CTNNA2: variants seen among roughly 807,000 people sequenced by gnomAD.
CTNNA2 encodes the protein catenin alpha-2.
In CTNNA2, 42 loss-of-function variants were observed where a neutral mutation model predicts 101.0. The observed-to-expected ratio is 0.42, with a 90% confidence interval of 0.32 to 0.54. The LOEUF (loss-of-function observed/expected upper bound fraction) is 0.54, where lower values mean the gene tolerates loss of function less well. CTNNA2 is among the 20% of genes least tolerant of loss of function. CTNNA2 has a pLI of 0.14. For synonymous variants in CTNNA2, 450 were observed against 456.4 expected, an observed-to-expected ratio of 0.99 and a Z score of 0.18; for missense variants, 871 against 1,223.1, an observed-to-expected ratio of 0.71 and a Z score of 4.29.
chr2:79,489,404 T>C (rs903891765), intron 4 of CTNNA2, among the ~76,000 whole-genome samples: 2 of 152,132 alleles, frequency 1.3e-5, no homozygotes, highest in African/African-American at 4.8e-5. Context: ...CCATCCTTCC[T>C]CCCTGTGATT....
chr2:79,289,932 A>T (rs954184608), intron 2 of CTNNA2, among the ~76,000 whole-genome samples: 1 of 152,170 alleles, frequency 6.6e-6, no homozygotes, highest in African/African-American at 2.4e-5. Flanking sequence ...TGGCCCAGAT[A>T]ATCAGCCTCT....
At position 79,874,295 on chromosome 2, in the gene CTNNA2, G is replaced by A; in HGVS notation, c.805G>A (p.Gly269Ser). 1 of 1,614,050 alleles carries A rather than the reference G, an allele frequency of 6.2e-7. No individual in the cohort carries two copies. Among genetic ancestry groups the A allele is most frequent in the Non-Finnish European group, 8.5e-7 (1 of 1,180,020 alleles). The change falls in exon 6 of 19, where the codon GGC becomes AGC. Residue 269 changes from glycine to serine, a missense_variant. Gly to Ser is a moderately conservative substitution (Grantham distance 56, BLOSUM62 0). Around this residue, in one of 5 missense-constraint regions of CTNNA2, gnomAD observed 647 missense variants for 831.5 expected, o/e 0.78. Transcript: ENST00000402739. Reference sequence around the variant, plus strand: ...TACCTCGCCCACTGACGAAGCCAAGGGCCACACGGGCATCGGCGAGCTGGC... The same window carrying A: ...TACCTCGCCCACTGACGAAGCCAAGAGCCACACGGGCATCGGCGAGCTGGC... ...QATSPTDEAK[G>S]HTGIGELAAA...
At chr2:79,514,007 C>A (rs1412533735) in intron 1 of CTNNA2, among the ~76,000 whole-genome samples, 1 of 152,144 alleles carries the variant, frequency 6.6e-6, no homozygotes, top group Non-Finnish European at 1.5e-5. Context: ...TTTGGTTTGA[C>A]ATTTTCAAAC....
chr2:80,275,274 G>T (rs1388450477), intron 7 of CTNNA2, among the ~76,000 whole-genome samples: 1 of 152,150 alleles, frequency 6.6e-6, no homozygotes, highest in Non-Finnish European at 1.5e-5. Flanking sequence ...TCATCAACCT[G>T]CTTACTCTCA....
intron 1 of CTNNA2, among the ~76,000 whole-genome samples, chr2:79,189,173 G>T (rs886716945): frequency 1.3e-5 from 2 of 152,046 alleles, no homozygotes; most frequent in African/African-American, 4.8e-5. Context: ...ATTCACTTCC[G>T]TTTATAACAC....
At chr2:79,925,363 A>G (rs1228783063) in intron 7 of CTNNA2, among the ~76,000 whole-genome samples, 1 of 152,112 alleles carries the variant, frequency 6.6e-6, no homozygotes, top group Non-Finnish European at 1.5e-5. Context: ...GTGTATACTC[A>G]CCTGCCAGAA....
chr2:79,323,527 T>C (rs1573077140), intron 3 of CTNNA2, among the ~76,000 whole-genome samples: 2 of 147,070 alleles, frequency 1.4e-5, no homozygotes, highest in East Asian at 4.0e-4. Context: ...TATACTTTCT[T>C]CAAAAAAAAA....
At chr2:80,274,332 A>G (rs1673728005) in intron 7 of CTNNA2, among the ~76,000 whole-genome samples, 1 of 152,176 alleles carries the variant, frequency 6.6e-6, no homozygotes, top group Non-Finnish European at 1.5e-5. Flanking sequence ...TCATCTCGCT[A>G]TGAAAGTAAT....
Position 79,751,650 on chromosome 2 carries a change from C to G in CTNNA2, c.298+7068C>G, listed in dbSNP as rs79290562. ...AAGGAAATATGATAAGATGATAGAACAGATCCAGATAGGGAAAAGTATAGA... is the reference window on the plus strand; with the variant it reads ...AAGGAAATATGATAAGATGATAGAAGAGATCCAGATAGGGAAAAGTATAGA... On this transcript the variant is annotated intron_variant, in intron 3 of 18. Coordinates refer to ENST00000402739, the MANE Select transcript of CTNNA2 (RefSeq NM_001282597.3). Among the ~76,000 whole-genome samples the G allele has an allele frequency of 3.8e-3, 516 of 135,008 alleles. 5 individuals are homozygous for G. Among genetic ancestry groups the G allele is most frequent in the African/African-American group, 0.014 (502 of 36,764 alleles). The allele number at this position is 135,008 out of a possible 152,430, so 88.6% of individuals were successfully genotyped here.
intron 7 of CTNNA2, chr2:80,328,163 C>T (rs1670991680): frequency 2.4e-6 from 1 of 417,042 alleles, no homozygotes; most frequent in Non-Finnish European, 5.0e-6. Flanking sequence ...TCCTCGCTCA[C>T]CCACATTCTA....
At chr2:80,368,610 T>C (rs1675151046) in intron 7 of CTNNA2, among the ~76,000 whole-genome samples, 1 of 152,088 alleles carries the variant, frequency 6.6e-6, no homozygotes, top group African/African-American at 2.4e-5. Context: ...TGATCTATTT[T>C]GTGCACAGAT....
intron 7 of CTNNA2, among the ~76,000 whole-genome samples, chr2:79,928,800 T>C (rs564807925): frequency 2.6e-5 from 4 of 152,260 alleles, no homozygotes; most frequent in Non-Finnish European, 4.4e-5. Context: ...CTTCCTTTGA[T>C]AGATTTATCA....
rs895240745 is a variant in CTNNA2, at chr2:79,555,484, G to A, written c.-6+42277G>A. Reference sequence around the variant, plus strand: ...CTACGAATTTAGAAGAGGCAGTCATGGATCTCATTTAAGAAATTTCCTGTG... The same window carrying A: ...CTACGAATTTAGAAGAGGCAGTCATAGATCTCATTTAAGAAATTTCCTGTG... On this transcript the variant is annotated intron_variant, in intron 1 of 18. Coordinates refer to ENST00000402739, the MANE Select transcript of CTNNA2 (RefSeq NM_001282597.3). Among the ~76,000 whole-genome samples the A allele has an allele frequency of 4.6e-5, 7 of 152,100 alleles. No individual in the cohort carries two copies. The South Asian group carries it at 6.2e-4, about 14-fold the overall frequency.
intron 9 of CTNNA2, among the ~76,000 whole-genome samples, chr2:80,424,381 C>A (rs879910033): frequency 2.6e-5 from 4 of 152,168 alleles, no homozygotes; most frequent in Non-Finnish European, 4.4e-5. Flanking sequence ...TTATGGGACT[C>A]TATGAGGCTT....
intron 7 of CTNNA2, among the ~76,000 whole-genome samples, chr2:79,977,344 G>A (rs952194184): frequency 1.2e-4 from 19 of 152,058 alleles, no homozygotes; most frequent in East Asian, 9.7e-4. Context: ...TGTGGTAAAC[G>A]TCAAGCATTT....
chr2:79,396,517 C>T (rs1246353119), intron 4 of CTNNA2, among the ~76,000 whole-genome samples: 2 of 152,082 alleles, frequency 1.3e-5, no homozygotes, highest in Non-Finnish European at 2.9e-5. Flanking sequence ...TTTTGTTGCT[C>T]ACTGAAGAAG....
At chr2:80,271,704 G>A (rs1190309432) in intron 7 of CTNNA2, among the ~76,000 whole-genome samples, 1 of 152,158 alleles carries the variant, frequency 6.6e-6, no homozygotes, top group East Asian at 1.9e-4. Context: ...TTACAGGTGT[G>A]AGCCACCGTG....
At chr2:79,360,575 A>G (rs1677605892) in intron 3 of CTNNA2, among the ~76,000 whole-genome samples, 1 of 152,156 alleles carries the variant, frequency 6.6e-6, no homozygotes, top group Non-Finnish European at 1.5e-5. Context: ...ATAAAAAGAT[A>G]CTGCCCACTA....
At chr2:80,484,330 C>T (rs1686381524) in intron 9 of CTNNA2, among the ~76,000 whole-genome samples, 1 of 152,060 alleles carries the variant, frequency 6.6e-6, no homozygotes, top group Non-Finnish European at 1.5e-5. Flanking sequence ...TATATGTGGG[C>T]ATGTACCCGA....
Sources: gnomAD v4.1 joint callset for allele counts (sites outside exome capture counted in the v4.1 genomes callset) on GRCh38, gnomAD v4.1.1 for gene constraint, gnomAD v4.1.1 regional missense constraint, MANE v1.5 for transcripts, NCBI Gene and HGNC (gene_info 2026-07-23, HGNC 2026-07-21) for gene names.